The following PCDH15 variants were observed in gnomAD, a reference collection of about 807,000 sequenced individuals.
PCDH15 encodes the protein protocadherin related 15.
PCDH15 carries 129 observed loss-of-function variants against 178.5 expected under a neutral mutation model. The observed-to-expected ratio is 0.72, with a 90% CI of 0.63 to 0.84. PCDH15 has a LOEUF of 0.84. Ranked by LOEUF, PCDH15 falls within the 40% of genes least tolerant of loss-of-function variation. The pLI is 0.00. For missense variants in PCDH15, 2,230 were observed against 2,099.9 expected, an observed-to-expected ratio of 1.06 and a Z score of -1.21; for synonymous variants, 800 against 732.0, an observed-to-expected ratio of 1.09 and a Z score of -1.50.
chr10:55,050,408 G>C (rs1331932992), intron 2 of PCDH15, among the ~76,000 whole-genome samples: 1 of 151,904 alleles, frequency 6.6e-6, no homozygotes, highest in African/African-American at 2.4e-5. Context: ...CATTCTCTAT[G>C]ATAAATTTAG....
At chr10:55,594,979 C>A (rs1360129698) in intron 2 of PCDH15, among the ~76,000 whole-genome samples, 1 of 152,026 alleles carries the variant, frequency 6.6e-6, no homozygotes, top group Non-Finnish European at 1.5e-5. Context: ...TGGGAACTGG[C>A]TGCCTTACTT....
chr10:54,824,550 T>A (rs562534027), intron 3 of PCDH15, among the ~76,000 whole-genome samples: 1 of 152,218 alleles, frequency 6.6e-6, no homozygotes, highest in East Asian at 1.9e-4. Context: ...CCCAGAGGCC[T>A]CTACTATGTG....
intron 21 of PCDH15, among the ~76,000 whole-genome samples, chr10:53,984,126 T>C (rs1449102867): frequency 1.9e-5 from 2 of 103,448 alleles, no homozygotes; most frequent in Non-Finnish European, 4.4e-5. Context: ...GCTTTTCTTT[T>C]TTTTTTTTTC....
At chr10:55,589,597 G>T (rs1231015876) in intron 2 of PCDH15, among the ~76,000 whole-genome samples, 4 of 152,032 alleles carry the variant, frequency 2.6e-5, no homozygotes, top group East Asian at 1.9e-4. Context: ...AATCTACAAT[G>T]AACTCAAACA....
chr10:54,226,615 A>G (rs147087373), intron 9 of PCDH15, among the ~76,000 whole-genome samples: 1 of 152,252 alleles, frequency 6.6e-6, no homozygotes, highest in African/African-American at 2.4e-5. Flanking sequence ...CACATTTCAA[A>G]ACAATTCATG....
chr10:55,040,518 A>AACT (rs1277778724), intron 2 of PCDH15, among the ~76,000 whole-genome samples: 1 of 151,962 alleles, frequency 6.6e-6, no homozygotes, highest in Non-Finnish European at 1.5e-5. Context: ...CAACAACAAC[A>AACT]ACAACAAAAA....
intron 2 of PCDH15, among the ~76,000 whole-genome samples, chr10:55,510,401 G>C (rs1294241487): frequency 6.6e-6 from 1 of 151,930 alleles, no homozygotes; most frequent in Non-Finnish European, 1.5e-5. Flanking sequence ...GAATGTGGGA[G>C]TGTGGAATTT....
chr10:53,878,351 CTA>C (rs1296539501), intron 26 of PCDH15, among the ~76,000 whole-genome samples: 1 of 135,278 alleles, frequency 7.4e-6, no homozygotes, highest in Non-Finnish European at 1.5e-5. Context: ...ATATAATAGA[CTA>C]TATATACTCA....
chr10:54,436,819 C>T (rs1257949493), intron 3 of PCDH15, among the ~76,000 whole-genome samples: 1 of 151,964 alleles, frequency 6.6e-6, no homozygotes, highest in East Asian at 1.9e-4. Context: ...ATCACAAAAT[C>T]GAGATTCAAA....
chr10:55,537,028 C>A (rs1023340404), intron 2 of PCDH15, among the ~76,000 whole-genome samples: 8 of 151,850 alleles, frequency 5.3e-5, no homozygotes, highest in African/African-American at 1.9e-4. Flanking sequence ...CATCTAGCCC[C>A]AAATTCTCAG....
At chr10:53,861,996 A>G (rs1195702129) in intron 27 of PCDH15, among the ~76,000 whole-genome samples, 1 of 152,142 alleles carries the variant, frequency 6.6e-6, no homozygotes, top group African/African-American at 2.4e-5. Context: ...TTTAGTTTCC[A>G]CATGAAATCT....
intron 2 of PCDH15, among the ~76,000 whole-genome samples, chr10:55,422,585 T>C (rs569615189): frequency 1.3e-5 from 2 of 151,992 alleles, no homozygotes; most frequent in East Asian, 3.9e-4. Flanking sequence ...GAATTAAAAA[T>C]AACACTCTAT....
intron 2 of PCDH15, among the ~76,000 whole-genome samples, chr10:54,931,757 G>C (rs963136500): frequency 6.6e-6 from 1 of 151,998 alleles, no homozygotes. Context: ...GGATTTGCAG[G>C]GTTTTTTAAA....
intron 16 of PCDH15, among the ~76,000 whole-genome samples, chr10:54,079,898 TAA>T (rs955326087): frequency 3.9e-5 from 6 of 152,132 alleles, no homozygotes; most frequent in Non-Finnish European, 8.8e-5. Context: ...ACTCTATGGA[TAA>T]AAGTTTTTCT....
intron 2 of PCDH15, among the ~76,000 whole-genome samples, chr10:55,117,605 T>C (rs1837659654): frequency 6.6e-6 from 1 of 152,176 alleles, no homozygotes; most frequent in African/African-American, 2.4e-5. Context: ...CAAAACAGCC[T>C]GTCCCACTAT....
intron 1 of PCDH15, among the ~76,000 whole-genome samples, chr10:54,731,541 G>GATATATATATATATCTATATATATAT (rs1227921777): frequency 1.5e-5 from 1 of 68,318 alleles, no homozygotes; most frequent in Non-Finnish European, 2.9e-5. Flanking sequence ...GAAAATGTGA[G>GATATATATATATATCTATATATATAT]ATAGATATAT....
At chr10:54,233,899 T>C (rs1001168841) in intron 9 of PCDH15, among the ~76,000 whole-genome samples, 2 of 152,184 alleles carry the variant, frequency 1.3e-5, no homozygotes, top group African/African-American at 4.8e-5. Context: ...GTAGAACCAT[T>C]GAAGAGGTTG....
Position 54,923,391 on chromosome 10 carries a change from T to A in PCDH15, c.-79-25891A>T, listed in dbSNP as rs780935694. Among the ~76,000 whole-genome samples the A allele has an allele frequency of 1.3e-4, 18 of 139,102 alleles. 3 individuals are homozygous for A. Among genetic ancestry groups the A allele is most frequent in the Non-Finnish European group, 2.2e-4 (13 of 59,662 alleles). The allele number at this position is 139,102 out of a possible 152,430, so 91.3% of individuals were successfully genotyped here. A position where few individuals can be genotyped will look rare whatever the true frequency, so the allele number is the denominator to read the frequency against. The stretch of plus-strand genomic sequence containing the variant: ...TGGCTATTAACTTTTGGCTCCACTT[T>A]GTTTATGCAAATTTATGCAGCAGGC... On this transcript the variant is annotated intron_variant, in intron 2 of 5. Coordinates refer to the PCDH15 transcript ENST00000458638.
chr10:53,856,507 T>C (rs1328629765), intron 28 of PCDH15, among the ~76,000 whole-genome samples: 1 of 152,056 alleles, frequency 6.6e-6, no homozygotes, highest in Non-Finnish European at 1.5e-5. Flanking sequence ...AAGACTAAGC[T>C]CTAGGCATTT....
Sources: allele counts gnomAD v4.1 joint callset (sites outside exome capture counted in the v4.1 genomes callset), GRCh38; gene constraint gnomAD v4.1.1; transcripts MANE v1.5; gene names NCBI Gene and HGNC (gene_info 2026-07-23, HGNC 2026-07-21).